WDR64: variants seen among roughly 807,000 people sequenced by gnomAD.
The protein encoded by WDR64 is WD repeat domain 64.
A neutral mutation model predicts 139.3 loss-of-function variants in WDR64; 112 were observed. The observed-to-expected ratio is 0.80, with a 90% CI of 0.69 to 0.94. The LOEUF (loss-of-function observed/expected upper bound fraction) is 0.94, where lower values mean the gene tolerates loss of function less well. WDR64 is among the 40% of genes least tolerant of loss of function. The pLI is 0.00. For synonymous variants in WDR64, 444 were observed against 437.7 expected, an observed-to-expected ratio of 1.01 and a Z score of -0.18; for missense variants, 1,206 against 1,293.1, an observed-to-expected ratio of 0.93 and a Z score of 1.03.
At chr1:241,721,261 C>A (rs913098586) in intron 9 of WDR64, among the ~76,000 whole-genome samples, 2 of 152,048 alleles carry the variant, frequency 1.3e-5, no homozygotes, top group Non-Finnish European at 2.9e-5. Flanking sequence ...TTGCTTAGGA[C>A]TGTCTTTGCT....
chr1:241,744,688 AGG>A (rs1669685882), intron 13 of WDR64, among the ~76,000 whole-genome samples, 172 bp downstream of exon 13: 1 of 152,214 alleles, frequency 6.6e-6, no homozygotes, highest in African/African-American at 2.4e-5. Context: ...CTTATCTAAC[AGG>A]CATCAATGTC....
chr1:241,796,277 A>G lies in WDR64; in HGVS notation c.3099A>G (p.Leu1033=), dbSNP rs1268274876. The G allele has an allele frequency of 2.5e-6, 4 of 1,613,472 alleles. No homozygotes were observed. The Admixed American group carries it at 5.0e-5, about 20-fold the overall frequency. ...PIYSISSPTS[L]RFLPLIGVEA... ...TCCAGATATCAAGCCCCACTAGTCTAAGATTTCTTCCACTGATTGGCGTAG... is the reference window on the plus strand; with the variant it reads ...TCCAGATATCAAGCCCCACTAGTCTGAGATTTCTTCCACTGATTGGCGTAG... Residue 1033 remains leucine (L), a synonymous_variant, in exon 27 of 28, where the codon CTA becomes CTG. Transcript: ENST00000437684.
At chr1:241,698,903 G>A (rs1667597724) in intron 8 of WDR64, among the ~76,000 whole-genome samples, 1 of 152,180 alleles carries the variant, frequency 6.6e-6, no homozygotes, top group African/African-American at 2.4e-5. Context: ...AGTTCTGCAG[G>A]GCTGCAAAGG....
At chr1:241,683,753 C>CA (rs2148110748) in intron 7 of WDR64, 52 bp downstream of exon 7, 1 of 1,345,616 alleles carries the variant, frequency 7.4e-7, no homozygotes, top group Admixed American at 2.7e-5. Flanking sequence ...TAGTCTTTTG[C>CA]AAGTAAGCTT....
In WDR64 at chr1:241,749,508, T is replaced by A. The variant is rs759725923; in HGVS notation, c.1595-39T>A. ...AGCGAAAAGCCAAGCTTTCTCTAAG[T>A]CATTTTTACCCACATAGTCTTTTTC... On this transcript the variant is annotated intron_variant, in intron 13 of 27. Coordinates refer to ENST00000437684, the MANE Select transcript of WDR64 (RefSeq NM_001367482.1). 5 of 1,583,606 alleles carry A rather than the reference T, an allele frequency of 3.2e-6. No homozygotes were observed. The African/African-American group carries it at 6.8e-5, about 22-fold the overall frequency.
Position 241,794,833 on chromosome 1 carries a change from G to T in WDR64, c.2998-374G>T, listed in dbSNP as rs531190900. Among the ~76,000 whole-genome samples the T allele has an allele frequency of 3.9e-5, 6 of 152,216 alleles. No homozygotes were observed. The South Asian group carries it at 1.2e-3, about 32-fold the overall frequency. On this transcript the variant is annotated intron_variant, in intron 25 of 27. Coordinates refer to ENST00000437684, the MANE Select transcript of WDR64 (RefSeq NM_001367482.1). The stretch of plus-strand genomic sequence containing the variant: ...CTTTATTCTCTTTTTACCTCAGTTG[G>T]TTGGTAAAACAACAAAGGTTGAATG...
rs1339305375 is a variant in WDR64, at chr1:241,703,165, C to T, written c.975-8637C>T. On this transcript the variant is annotated intron_variant, in intron 8 of 27. Transcript: ENST00000437684. The surrounding 1 kb of genome is among the most constrained non-coding windows in gnomAD (Gnocchi z 5.9). ...CCCTCATTCCCCACCAACTACCTCA[C>T]CGTCACCGGGAGAAAATATCGAGGG... is the stretch of plus-strand genomic sequence containing the variant. Among the ~76,000 whole-genome samples the T allele has an allele frequency of 1.3e-5, 2 of 152,206 alleles. No homozygotes were observed. Among genetic ancestry groups the T allele is most frequent in the East Asian group, 3.9e-4 (2 of 5,194 alleles).
intron 25 of WDR64, 89 bp downstream of exon 25, chr1:241,790,785 T>A (rs1199734058): frequency 2.1e-6 from 2 of 933,788 alleles, no homozygotes; most frequent in East Asian, 5.0e-5. Flanking sequence ...TCCAGTAATA[T>A]AACATATTAA....
intron 4 of WDR64, among the ~76,000 whole-genome samples, chr1:241,675,513 T>C (rs1217614244): frequency 1.3e-5 from 2 of 152,162 alleles, no homozygotes; most frequent in African/African-American, 2.4e-5. Context: ...TATGGAACCA[T>C]GTGGCATCAA....
chr1:241,792,538 AAAAT>A (rs1172031113), intron 25 of WDR64, among the ~76,000 whole-genome samples: 1 of 152,114 alleles, frequency 6.6e-6, no homozygotes, highest in Non-Finnish European at 1.5e-5. Flanking sequence ...TCTGTCTCAA[AAAAT>A]AAATAAATAA....
At chr1:241,739,382 A>G (rs1669449618) in intron 11 of WDR64, among the ~76,000 whole-genome samples, 1 of 152,206 alleles carries the variant, frequency 6.6e-6, no homozygotes, top group Non-Finnish European at 1.5e-5. Context: ...TAATTAAGGC[A>G]GGGAAGAGGT....
In WDR64 at chr1:241,783,358, T is replaced by G. The variant is rs1186214675; in HGVS notation, c.2682T>G (p.Thr894=). The G allele has an allele frequency of 6.2e-7, 1 of 1,614,052 alleles. No homozygotes were observed. The highest frequency in any genetic ancestry group is 2.2e-5 in the East Asian group (1 of 44,866). Residue 894 remains threonine (T), a synonymous_variant, in exon 23 of 28, where the codon ACT becomes ACG. Transcript: ENST00000437684. ...TAGAAGAAAAACAAGTGGTACTTAC[T>G]GCCTCCATCGATGGCTCAGTAAGGT... The part of the protein sequence containing the change: ...IYVEEKQVVL[T]ASIDGSVRLW...
intron 3 of WDR64, among the ~76,000 whole-genome samples, chr1:241,674,275 T>TTTTTTTTTTTTC (rs1409999714): frequency 6.7e-6 from 1 of 148,400 alleles, no homozygotes; most frequent in Admixed American, 6.7e-5. Flanking sequence ...TTTTTTTTTT[T>TTTTTTTTTTTTC]TGAGACAGGG....
intron 22 of WDR64, among the ~76,000 whole-genome samples, chr1:241,782,820 G>A (rs1414729216): frequency 6.6e-6 from 1 of 152,098 alleles, no homozygotes; most frequent in African/African-American, 2.4e-5. Flanking sequence ...AAAACAGCCA[G>A]TTCTATCTCT....
At chr1:241,777,573 ACGGCCAG>A (rs78892148) in intron 21 of WDR64, among the ~76,000 whole-genome samples, 26,141 of 151,666 alleles carry the variant, frequency 0.17, 2,589 homozygotes, top group African/African-American at 0.26. Context: ...ACCTGACACC[ACGGCCAG>A]CTAATTTTTG....
Position 241,769,414 on chromosome 1 carries a change from G to A in WDR64, c.2092G>A (p.Glu698Lys). 1.3e-6 allele frequency: 2 copies of A among 1,551,338 alleles called. No homozygotes were observed. Among genetic ancestry groups the A allele is most frequent in the Non-Finnish European group, 1.7e-6 (2 of 1,146,948 alleles). Residue 698 changes from glutamate (E) to lysine (K), a missense_variant, in exon 17 of 28, where the codon GAA (glutamate) becomes AAA (lysine). Physicochemically the swap from Glu to Lys is moderately conservative, Grantham distance 56. Coordinates refer to ENST00000437684, the MANE Select transcript of WDR64 (RefSeq NM_001367482.1). ...TSTVKKVYRP[E>K]DCFTVNPDLH... ...TATACTTACTTCTAGGTACCGACCT[G>A]AAGATTGCTTCACTGTAAACCCTGA...
At chr1:241,733,491 A>AAAGAGAAGAG (rs1553373196) in intron 10 of WDR64, among the ~76,000 whole-genome samples, 5,177 of 151,550 alleles carry the variant, frequency 0.034, 301 homozygotes, top group African/African-American at 0.12. Flanking sequence ...AAAGAAAAGA[A>AAAGAGAAGAG]AAGAGAAGAG....
At chr1:241,797,019 A>G (rs1226787320) in intron 27 of WDR64, among the ~76,000 whole-genome samples, 1 of 152,212 alleles carries the variant, frequency 6.6e-6, no homozygotes, top group Non-Finnish European at 1.5e-5. Flanking sequence ...TTGTGTCTTA[A>G]TTTGGTTGTA....
intron 2 of WDR64, among the ~76,000 whole-genome samples, chr1:241,665,303 T>C (rs1471010734): frequency 3.9e-5 from 6 of 152,228 alleles, no homozygotes; most frequent in Admixed American, 3.9e-4. Context: ...CATTTCTATT[T>C]CAAGCCATGT....
Sources: gnomAD v4.1 joint callset for allele counts (sites outside exome capture counted in the v4.1 genomes callset) on GRCh38, gnomAD v4.1.1 for gene constraint, Gnocchi (gnomAD v3.1) non-coding constraint, MANE v1.5 for transcripts, NCBI Gene and HGNC (gene_info 2026-07-23, HGNC 2026-07-21) for gene names.